The following PCDHA3 variants were observed in gnomAD, a reference collection of about 807,000 sequenced individuals.
PCDHA3 encodes the protein protocadherin alpha-3.
Under a neutral mutation model 62.2 loss-of-function variants are expected in PCDHA3, and 41 were observed. The ratio of observed to expected loss-of-function variants is 0.66; its 90% CI spans 0.51 to 0.86. The LOEUF is 0.86. Ranked by LOEUF, PCDHA3 falls within the 40% of genes least tolerant of loss-of-function variation. The pLI is 0.00. For synonymous variants in PCDHA3, 640 were observed against 555.4 expected (o/e 1.15, Z -2.14); for missense variants, 1,304 against 1,241.2 (o/e 1.05, Z -0.76).
chr5:140,839,429 G>A (rs1462017919), intron 1 of PCDHA3, among the ~76,000 whole-genome samples: 4 of 151,864 alleles, frequency 2.6e-5, no homozygotes, highest in Non-Finnish European at 4.4e-5. Context: ...TCACTCTGTA[G>A]CCCAGACTGC....
At position 140,802,449 on chromosome 5, in the gene PCDHA3, G is replaced by A. The variant is rs149312681; in HGVS notation, c.1252G>A (p.Val418Met). The change falls in exon 1 of 4, where the codon GTG becomes ATG. Residue 418 changes from valine to methionine, a missense_variant. By Grantham distance (21) the Val-to-Met change is conservative. Transcript: ENST00000522353. ...GGACAGCCCTCTGGACCGCGAGAGC[G>A]TGTCGGCCTATGAGCTGGTGGTGAC... ...VLDSPLDRES[V>M]SAYELVVTAR... The A allele has an allele frequency of 2.8e-4, 452 of 1,614,202 alleles. No homozygotes were observed. Among genetic ancestry groups the A allele is most frequent in the Non-Finnish European group, 3.3e-4 (384 of 1,180,032 alleles).
At chr5:140,946,857 G>T (rs2094041766) in intron 1 of PCDHA3, among the ~76,000 whole-genome samples, 1 of 151,296 alleles carries the variant, frequency 6.6e-6, no homozygotes, top group Non-Finnish European at 1.5e-5. Flanking sequence ...GAGAGATTGA[G>T]GAGAGGTTGG....
At chr5:140,902,403 T>G (rs1554190429) in intron 1 of PCDHA3, among the ~76,000 whole-genome samples, 1 of 152,102 alleles carries the variant, frequency 6.6e-6, no homozygotes, top group African/African-American at 2.4e-5. Flanking sequence ...TTGAATACTA[T>G]GTTGAATAAC....
At chr5:140,929,228 A>G in intron 1 of PCDHA3, 1 of 1,613,898 alleles carries the variant, frequency 6.2e-7, no homozygotes, top group Non-Finnish European at 8.5e-7. Flanking sequence ...AATGCTGCCG[A>G]CCTGCGAAAT....
At chr5:140,809,113 T>C (rs1764368152) in intron 1 of PCDHA3, 1 of 1,613,928 alleles carries the variant, frequency 6.2e-7, no homozygotes, top group Non-Finnish European at 8.5e-7. Context: ...AAACGGACGC[T>C]CCGCGCCACC....
At chr5:140,986,861 C>T (rs1007036038) in intron 3 of PCDHA3, among the ~76,000 whole-genome samples, 12 of 152,086 alleles carry the variant, frequency 7.9e-5, no homozygotes, top group Non-Finnish European at 1.0e-4. Flanking sequence ...CAACAATACC[C>T]GGAAACTTGT....
In PCDHA3 at chr5:140,936,292, T is replaced by C. The variant is rs74627153; in HGVS notation, c.2395-42657T>C. Among the ~76,000 whole-genome samples the C allele has an allele frequency of 4.3e-3, 649 of 152,348 alleles. 6 individuals are homozygous for C. Among genetic ancestry groups the C allele is most frequent in the African/African-American group, 0.013 (538 of 41,592 alleles). On this transcript the variant is annotated intron_variant, in intron 1 of 3. Transcript: ENST00000522353. Reference sequence around the variant, plus strand: ...TATTCCTGTGTTTTCTTCTATAACATTGCTATCCAATAGAACTTTCTGACA... The same window carrying C: ...TATTCCTGTGTTTTCTTCTATAACACTGCTATCCAATAGAACTTTCTGACA...
rs1034160662 is a variant in PCDHA3 at position 140,802,040 on chromosome 5, C to T, written c.843C>T (p.Phe281=). The T allele has an allele frequency of 6.2e-7, 1 of 1,614,016 alleles. No individual in the cohort carries two copies. The highest frequency in any genetic ancestry group is 8.5e-7 in the Non-Finnish European group (1 of 1,179,910). The part of the protein sequence containing the change: ...EGVNKDIAYS[F]NTDMSADILS... ...TAAATAAGGATATCGCGTATTCTTTCAATACGGACATGTCAGCAGATATTC... is the reference window on the plus strand; with the variant it reads ...TAAATAAGGATATCGCGTATTCTTTTAATACGGACATGTCAGCAGATATTC... Residue 281 remains phenylalanine (F), a synonymous_variant, in exon 1 of 4, where the codon TTC becomes TTT. Coordinates refer to ENST00000522353, the MANE Select transcript of PCDHA3 (RefSeq NM_018906.3).
chr5:140,807,818 G>A, intron 1 of PCDHA3: 1 of 1,614,106 alleles, frequency 6.2e-7, no homozygotes, highest in Non-Finnish European at 8.5e-7. Context: ...GATTTTTTTA[G>A]TGCTCACAGC....
In PCDHA3 at chr5:141,011,117, C is replaced by A. The variant is rs1301385116; in HGVS notation, c.*1180C>A. The A allele has an allele frequency of 1.3e-5, 2 of 153,590 alleles. No homozygotes were observed. The highest frequency in any genetic ancestry group is 2.4e-5 in the African/African-American group (1 of 41,402). The allele number at this position is 153,590 out of a possible 1,614,324, so 9.5% of individuals were successfully genotyped here. The stretch of plus-strand genomic sequence containing the variant: ...CTCTCTCTCTCTCTTTTCTAAGAAA[C>A]AATTATGTGCACTTTGATACACAAC... On this transcript the variant is annotated 3_prime_UTR_variant, in exon 4 of 4. Coordinates refer to ENST00000522353, the MANE Select transcript of PCDHA3 (RefSeq NM_018906.3).
chr5:140,840,728 G>T (rs995381771), intron 1 of PCDHA3, among the ~76,000 whole-genome samples: 1 of 151,956 alleles, frequency 6.6e-6, no homozygotes, highest in Non-Finnish European at 1.5e-5. Context: ...ATAAAGAAAA[G>T]CAAAAATTTA....
At chr5:140,984,965 T>G (rs2097128606) in intron 3 of PCDHA3, among the ~76,000 whole-genome samples, 1 of 151,666 alleles carries the variant, frequency 6.6e-6, no homozygotes, top group Non-Finnish European at 1.5e-5. Context: ...TGAGACAGAG[T>G]CTCGCTCTGT....
At chr5:140,959,343 C>T (rs1370310453) in intron 1 of PCDHA3, among the ~76,000 whole-genome samples, 1 of 152,052 alleles carries the variant, frequency 6.6e-6, no homozygotes, top group Admixed American at 6.6e-5. Context: ...CTACTGCACT[C>T]CAGCGGGACA....
chr5:140,809,099 G>T, intron 1 of PCDHA3: 1 of 1,613,982 alleles, frequency 6.2e-7, no homozygotes, highest in South Asian at 1.1e-5. Flanking sequence ...GCGTGCCCTG[G>T]ACGAAACGGA....
chr5:140,834,827 T>C (rs1773317793), intron 1 of PCDHA3: 1 of 1,611,982 alleles, frequency 6.2e-7, no homozygotes, highest in African/African-American at 1.3e-5. Flanking sequence ...CCAGGCCGCT[T>C]GACTCTCGGT....
At chr5:140,806,815 C>T in intron 1 of PCDHA3, 1 of 223,488 alleles carries the variant, frequency 4.5e-6, no homozygotes, top group Non-Finnish European at 8.9e-6. Flanking sequence ...GTAAAAGTTG[C>T]CCCTATGGCG....
chr5:140,842,875 C>A (rs2150347019), intron 1 of PCDHA3: 1 of 1,593,980 alleles, frequency 6.3e-7, no homozygotes, highest in Non-Finnish European at 8.6e-7. Flanking sequence ...GCAAGGTGTA[C>A]GCGCTGCAGC....
intron 1 of PCDHA3, chr5:140,843,568 A>G: frequency 6.3e-7 from 1 of 1,595,946 alleles, no homozygotes; most frequent in Non-Finnish European, 8.6e-7. Context: ...GGAGCTGGTC[A>G]TACTCGCAAC....
At chr5:140,869,908 C>G in intron 1 of PCDHA3, 4 of 1,610,646 alleles carry the variant, frequency 2.5e-6, no homozygotes, top group Non-Finnish European at 3.4e-6. Flanking sequence ...CGCCACAGAC[C>G]GAGACGAAGG....
Sources: gnomAD v4.1 joint callset for allele counts (sites outside exome capture counted in the v4.1 genomes callset) on GRCh38, gnomAD v4.1.1 for gene constraint, MANE v1.5 for transcripts, NCBI Gene and HGNC (gene_info 2026-07-23, HGNC 2026-07-21) for gene names.